The following DDX5 variants were observed in gnomAD, a reference collection of about 807,000 sequenced individuals.
DDX5 encodes DEAD-box helicase 5.
Under a neutral mutation model 68.6 loss-of-function variants are expected in DDX5, and 6 were observed. The ratio of observed to expected loss-of-function variants is 0.09; its 90% CI spans 0.05 to 0.17. DDX5 has a LOEUF of 0.17. Among genes scored for constraint, DDX5 ranks in the 10% least tolerant of loss-of-function variants. DDX5 has a pLI of 1.00. For synonymous variants in DDX5, 350 were observed against 247.0 expected (o/e 1.42, Z -3.91); for missense variants, 499 against 756.1 (o/e 0.66, Z 3.99).
chr17:64,498,712 G>T lies in DDX5; in HGVS notation c.*1211C>A, dbSNP rs781954953. Among the ~76,000 whole-genome samples, 3 of 151,912 alleles carry T rather than the reference G, an allele frequency of 2.0e-5. No individual in the cohort carries two copies. The highest frequency in any genetic ancestry group is 4.8e-5 in the African/African-American group (2 of 41,348). On this transcript the variant is annotated 3_prime_UTR_variant, in exon 13 of 13. Coordinates refer to ENST00000225792, the MANE Select transcript of DDX5 (RefSeq NM_004396.5). ...CCTCTCTTCTGGCAAAAAAAAACACGTATCAGACTCTGGGAAAACATTCAG... is the reference window on the plus strand; with the variant it reads ...CCTCTCTTCTGGCAAAAAAAAACACTTATCAGACTCTGGGAAAACATTCAG...
Position 64,499,650 on chromosome 17 carries a change from C to T in DDX5, c.*273G>A, listed in dbSNP as rs1485083946. On this transcript the variant is annotated 3_prime_UTR_variant, in exon 13 of 13. Transcript: ENST00000225792. ...TCTTCAAATATTTTTTATTGGAAGG[C>T]CATGCATTGCCTTCATTTATTGTAT... is the stretch of plus-strand genomic sequence containing the variant. 20 of 337,522 alleles carry T rather than the reference C, an allele frequency of 5.9e-5. No homozygotes were observed. Among genetic ancestry groups the T allele is most frequent in the Non-Finnish European group, 8.6e-5 (16 of 186,542 alleles). 20.9% of individuals were successfully genotyped at this position (337,522 alleles called of 1,614,324 possible). A position where few individuals can be genotyped will look rare whatever the true frequency, so the allele number is the denominator to read the frequency against.
In DDX5 at chr17:64,500,170, C is replaced by G. The variant is rs1555670771; in HGVS notation, c.1598G>C (p.Gly533Ala). ...KRDFGAKTQN[G>A]VYSAANYTNG... Reference sequence around the variant, plus strand: ...GGTGTAATTTGCAGCACTGTAAACACCATTCTGAGTTTTTGCCCCAAAATC... The same window carrying G: ...GGTGTAATTTGCAGCACTGTAAACAGCATTCTGAGTTTTTGCCCCAAAATC... Residue 533 changes from glycine to alanine, a missense_variant, in exon 13 of 13, where the codon GGT becomes GCT. This residue lies in a region of DDX5 where 171 missense variants were observed against 174.8 expected (regional missense o/e 0.98). Coordinates refer to ENST00000225792, the MANE Select transcript of DDX5 (RefSeq NM_004396.5). 1.9e-6 allele frequency: 3 copies of G among 1,614,006 alleles called. No homozygotes were observed. The highest frequency in any genetic ancestry group is 1.3e-5 in the African/African-American group (1 of 74,910).
intron 11 of DDX5, chr17:64,501,741 G>A (rs2038302049): frequency 3.7e-6 from 2 of 536,442 alleles, no homozygotes; most frequent in Non-Finnish European, 6.7e-6. Flanking sequence ...TTACGGGGCA[G>A]AGGTGATATG....
Position 64,506,251 on chromosome 17 carries a change from G to C in DDX5, c.-132C>G. 1 of 1,547,606 alleles carries C rather than the reference G, an allele frequency of 6.5e-7. No homozygotes were observed. Among genetic ancestry groups the C allele is most frequent in the South Asian group, 1.2e-5 (1 of 84,030 alleles). On this transcript the variant is annotated 5_prime_UTR_variant, in exon 1 of 13. Transcript: ENST00000225792. The stretch of plus-strand genomic sequence containing the variant: ...AGGAAGGACACCGATGACACCAGCC[G>C]AAGCTGCACTACTAGAGACCGGTAG...
intron 1 of DDX5, 36 bp downstream of exon 1, chr17:64,506,040 A>ACCCCCCCCCCC: frequency 5.7e-6 from 2 of 353,540 alleles, no homozygotes; most frequent in South Asian, 6.2e-5. Context: ...CCATCCCCCC[A>ACCCCCCCCCCC]CCCGCCAGGC....
chr17:64,505,060 T>TGGGATTTATCATGTCGGAAGCCG (rs543453942), intron 1 of DDX5: 6 of 428,452 alleles, frequency 1.4e-5, no homozygotes, highest in African/African-American at 6.1e-5. Context: ...GTAAACAGCC[T>TGGGATTTATCATGTCGGAAGCCG]GGGATTTATC....
chr17:64,503,641 G>A lies in DDX5; in HGVS notation c.508-70C>T, dbSNP rs116479632. On this transcript the variant is annotated intron_variant, in intron 5 of 12. Transcript: ENST00000225792. The stretch of plus-strand genomic sequence containing the variant: ...TTTAAACTGCTAACTTATTATACTA[G>A]CAGATCCTTTCTTCATGTGTTGTCC... 530 of 1,586,888 alleles carry A rather than the reference G, an allele frequency of 3.3e-4. 3 individuals are homozygous for A. In the African/African-American group the frequency reaches 6.5e-3, roughly 20 times the overall value.
At chr17:64,505,869 A>G (rs1555672316) in intron 1 of DDX5, 2 of 1,536,022 alleles carry the variant, frequency 1.3e-6, no homozygotes, top group African/African-American at 1.4e-5. Flanking sequence ...TCCCCACACA[A>G]AAAGCAAGCT....
rs1327277494 is a variant in DDX5 at position 64,498,712 on chromosome 17, G to GT, written c.*1210dup. 3.9e-5 allele frequency among the ~76,000 whole-genome samples: 6 copies of GT among 152,030 alleles called. No homozygotes were observed. Among genetic ancestry groups the GT allele is most frequent in the South Asian group, 4.1e-4 (2 of 4,820 alleles). ...CCTCTCTTCTGGCAAAAAAAAACAC[G>GT]TATCAGACTCTGGGAAAACATTCAG... is the stretch of plus-strand genomic sequence containing the variant. On this transcript the variant is annotated 3_prime_UTR_variant, in exon 13 of 13. Coordinates refer to ENST00000225792, the MANE Select transcript of DDX5 (RefSeq NM_004396.5).
In DDX5 at chr17:64,500,143, T is replaced by C. The variant is rs200823006; in HGVS notation, c.1625A>G (p.Asn542Ser). 1.3e-4 allele frequency: 203 copies of C among 1,614,228 alleles called. No individual in the cohort carries two copies. Among genetic ancestry groups the C allele is most frequent in the East Asian group, 7.8e-4 (35 of 44,890 alleles). The stretch of plus-strand genomic sequence containing the variant: ...CACAAAATTACTTCCAAAGCTCCCA[T>C]TGGTGTAATTTGCAGCACTGTAAAC... ...NGVYSAANYT[N>S]GSFGSNFVSA... The change falls in exon 13 of 13, where the codon AAT becomes AGT. Residue 542 changes from asparagine to serine, a missense_variant. Around this residue, in one of 5 missense-constraint regions of DDX5, gnomAD observed 171 missense variants for 174.8 expected, o/e 0.98. Transcript: ENST00000225792.
rs1272439782 is a variant in DDX5 at position 64,504,855 on chromosome 17, A to G, written c.45-13T>C. 1.3e-6 allele frequency: 2 copies of G among 1,588,980 alleles called. No individual in the cohort carries two copies. The highest frequency in any genetic ancestry group is 1.7e-6 in the Non-Finnish European group (2 of 1,173,008). ...AGGTGCACCAAACCTGGAATGAAAAAAAACGTTATTCACATTTTCAAATGG... is the reference window on the plus strand; with the variant it reads ...AGGTGCACCAAACCTGGAATGAAAAGAAACGTTATTCACATTTTCAAATGG... On this transcript the variant is annotated splice_polypyrimidine_tract_variant and intron_variant, in intron 1 of 12. Coordinates refer to ENST00000225792, the MANE Select transcript of DDX5 (RefSeq NM_004396.5).
At position 64,506,255 on chromosome 17, in the gene DDX5, C is replaced by G. The variant is rs548120761; in HGVS notation, c.-136G>C. The G allele has an allele frequency of 5.6e-5, 86 of 1,546,780 alleles. 1 individual carries two copies. The East Asian group carries it at 1.9e-3, about 34-fold the overall frequency. On this transcript the variant is annotated 5_prime_UTR_variant, in exon 1 of 13. Transcript: ENST00000225792. ...AGGACACCGATGACACCAGCCGAAG[C>G]TGCACTACTAGAGACCGGTAGAAAT...
At chr17:64,501,986 C>G (rs1555671167) in intron 11 of DDX5, 24 bp downstream of exon 11, 2 of 1,610,018 alleles carry the variant, frequency 1.2e-6, no homozygotes, top group South Asian at 1.1e-5. Flanking sequence ...GGAAACCAAG[C>G]CATGAATGCG....
chr17:64,502,426 A>G lies in DDX5; in HGVS notation c.1094+13T>C. 1 of 1,583,470 alleles carries G rather than the reference A, an allele frequency of 6.3e-7. No homozygotes were observed. Among genetic ancestry groups the G allele is most frequent in the Non-Finnish European group, 8.7e-7 (1 of 1,152,356 alleles). On this transcript the variant is annotated intron_variant, in intron 9 of 12. Transcript: ENST00000225792. Reference sequence around the variant, plus strand: ...TTTAATCAATCTGCTTCAATGGAGGAGCTCACACATACCCATCTCTCCTCA... The same window carrying G: ...TTTAATCAATCTGCTTCAATGGAGGGGCTCACACATACCCATCTCTCCTCA...
At chr17:64,500,870 A>G (rs1457102432) in intron 11 of DDX5, 97 bp from the exon 12 acceptor site, 1 of 872,708 alleles carries the variant, frequency 1.1e-6, no homozygotes, top group Non-Finnish European at 1.9e-6. Flanking sequence ...TTGTATTCCC[A>G]AGAAGGTACG....
At chr17:64,505,978 G>T in intron 1 of DDX5, 98 bp downstream of exon 1, 3 of 1,541,762 alleles carry the variant, frequency 1.9e-6, no homozygotes, top group Non-Finnish European at 2.6e-6. Flanking sequence ...AGCCCGGAAA[G>T]GCCAAGTCCA....
chr17:64,502,122 G>A (rs782541897), intron 10 of DDX5, 40 bp downstream of exon 10: 19 of 1,613,582 alleles, frequency 1.2e-5, no homozygotes, highest in Non-Finnish European at 1.4e-5. Flanking sequence ...TTCTAGCTAG[G>A]TTAAGTAAGG....
chr17:64,504,401 A>G, intron 2 of DDX5, 83 bp from the exon 3 acceptor site: 1 of 1,246,096 alleles, frequency 8.0e-7, no homozygotes, highest in Non-Finnish European at 1.2e-6. Flanking sequence ...CTAACTTCAT[A>G]ATTTAGTAAC....
chr17:64,504,587 T>C lies in DDX5; in HGVS notation c.210+90A>G, dbSNP rs184976620. On this transcript the variant is annotated intron_variant, in intron 2 of 12. Transcript: ENST00000225792. ...GTCAGAACATGTAACTCTACCAAAA[T>C]TGAGTTATTTGCAAAACACCTGTCA... is the stretch of plus-strand genomic sequence containing the variant. 4.9e-6 allele frequency: 7 copies of C among 1,436,120 alleles called. No individual in the cohort carries two copies. In the Admixed American group the frequency reaches 9.0e-5, roughly 19 times the overall value. 89.0% of individuals were successfully genotyped at this position (1,436,120 alleles called of 1,614,324 possible).
Sources: allele counts gnomAD v4.1 joint callset (sites outside exome capture counted in the v4.1 genomes callset), GRCh38; gene constraint gnomAD v4.1.1; regional missense constraint gnomAD v4.1.1; transcripts MANE v1.5; gene names NCBI Gene and HGNC (gene_info 2026-07-23, HGNC 2026-07-21).